ASTN2: variants seen among roughly 807,000 people sequenced by gnomAD.
ASTN2 encodes the protein astrotactin 2.
ASTN2 carries 54 observed loss-of-function variants against 139.8 expected under a neutral mutation model. That is an observed-to-expected ratio of 0.39 (90% CI 0.31 to 0.48). ASTN2 has a LOEUF of 0.48. Ranked by LOEUF, ASTN2 falls within the 20% of genes least tolerant of loss-of-function variation. ASTN2 has a pLI of 0.95. For missense variants in ASTN2, 1,565 were observed against 1,725.1 expected (o/e 0.91, Z 1.64); for synonymous variants, 756 against 719.5 (o/e 1.05, Z -0.81).
chr9:116,770,023 T>A (rs1348472719), intron 13 of ASTN2, among the ~76,000 whole-genome samples: 1 of 150,674 alleles, frequency 6.6e-6, no homozygotes, highest in Non-Finnish European at 1.5e-5. Flanking sequence ...AGACCTTGTC[T>A]AAATTAATTA....
chr9:116,815,386 G>A (rs1353891839), intron 12 of ASTN2, among the ~76,000 whole-genome samples: 1 of 152,098 alleles, frequency 6.6e-6, no homozygotes, highest in Non-Finnish European at 1.5e-5. Context: ...ATTTAAATTG[G>A]AAGCAAGAAG....
chr9:116,733,848 A>G (rs998493252), intron 13 of ASTN2, among the ~76,000 whole-genome samples: 1 of 152,176 alleles, frequency 6.6e-6, no homozygotes, highest in Non-Finnish European at 1.5e-5. Flanking sequence ...CTTAATGGGA[A>G]AAACCTACCA....
intron 3 of ASTN2, among the ~76,000 whole-genome samples, chr9:117,200,629 T>C (rs1369330401): frequency 6.6e-6 from 1 of 152,188 alleles, no homozygotes; most frequent in Admixed American, 6.5e-5. Flanking sequence ...TCATGTGGTT[T>C]TTGTCTTTAG....
In ASTN2 at chr9:116,999,548, C is replaced by CTTTTTTT. The variant is rs71379248; in HGVS notation, c.1591+8537_1591+8543dup. ...TTCCTCTTTCTTTCTTTCTCTCTTT[C>CTTTTTTT]TTTTTTTTTTTTTTTTTTTTTTTTT... On this transcript the variant is annotated intron_variant, in intron 7 of 22. Coordinates refer to ENST00000313400, the MANE Select transcript of ASTN2 (RefSeq NM_001365068.1). Among the ~76,000 whole-genome samples, 142 of 94,946 alleles carry CTTTTTTT rather than the reference C, an allele frequency of 1.5e-3. 4 individuals carry two copies. The highest frequency in any genetic ancestry group is 6.3e-3 in the Middle Eastern group (1 of 158). 62.3% of individuals were successfully genotyped at this position (94,946 alleles called of 152,430 possible). A position where few individuals can be genotyped will look rare whatever the true frequency, so the allele number is the denominator to read the frequency against.
intron 5 of ASTN2, among the ~76,000 whole-genome samples, chr9:117,068,067 G>A (rs369228733): frequency 2.2e-5 from 1 of 44,858 alleles, no homozygotes; most frequent in African/African-American, 9.2e-5. Flanking sequence ...GGTGAGAGAG[G>A]GCATCCCTGT....
At chr9:116,576,508 G>C (rs1034945139) in intron 19 of ASTN2, among the ~76,000 whole-genome samples, 2 of 152,158 alleles carry the variant, frequency 1.3e-5, no homozygotes, top group African/African-American at 4.8e-5. Flanking sequence ...TGGGAGGCCA[G>C]GGTAGGAGGG....
intron 13 of ASTN2, among the ~76,000 whole-genome samples, chr9:116,748,625 A>G (rs1278282906): frequency 1.3e-5 from 2 of 152,106 alleles, no homozygotes; most frequent in East Asian, 1.9e-4. Context: ...TTGGTATCTC[A>G]TGGGTCTAGA....
chr9:116,607,758 G>A (rs1173810734), intron 19 of ASTN2, among the ~76,000 whole-genome samples: 10 of 150,698 alleles, frequency 6.6e-5, no homozygotes, highest in Non-Finnish European at 1.0e-4. Context: ...TCAGGAGATC[G>A]AGACCATCCT....
chr9:117,075,225 C>T (rs1828247389), intron 5 of ASTN2, among the ~76,000 whole-genome samples: 1 of 152,144 alleles, frequency 6.6e-6, no homozygotes, highest in Admixed American at 6.5e-5. Flanking sequence ...CCCAAATCTC[C>T]CAAAGGAGTC....
chr9:116,723,021 C>T (rs970826934), intron 16 of ASTN2, among the ~76,000 whole-genome samples: 3 of 151,998 alleles, frequency 2.0e-5, no homozygotes, highest in Admixed American at 6.6e-5. Context: ...AAAAATTAGC[C>T]GGGCATGGTG....
intron 13 of ASTN2, among the ~76,000 whole-genome samples, chr9:116,790,789 C>T (rs1173584691): frequency 6.6e-6 from 1 of 151,416 alleles, no homozygotes; most frequent in Non-Finnish European, 1.5e-5. Flanking sequence ...ATTCTCCTGC[C>T]TCAGCCTCCC....
chr9:116,814,417 A>T (rs1453746338), intron 12 of ASTN2, among the ~76,000 whole-genome samples: 1 of 152,158 alleles, frequency 6.6e-6, no homozygotes, highest in African/African-American at 2.4e-5. Flanking sequence ...TTCTAGAAAA[A>T]GAAAAGAAAG....
At chr9:117,357,342 G>T (rs1048965549) in intron 1 of ASTN2, among the ~76,000 whole-genome samples, 1 of 151,840 alleles carries the variant, frequency 6.6e-6, no homozygotes, top group Non-Finnish European at 1.5e-5. Context: ...AAAGGTAAAG[G>T]TGCCTAGGCT....
intron 1 of ASTN2, among the ~76,000 whole-genome samples, chr9:117,408,838 G>A (rs895565485): frequency 1.3e-5 from 2 of 152,186 alleles, no homozygotes; most frequent in Non-Finnish European, 2.9e-5. Flanking sequence ...CTTTCTGAAG[G>A]AAGACAACGT....
intron 1 of ASTN2, among the ~76,000 whole-genome samples, chr9:117,407,629 C>T (rs774448636): frequency 6.6e-6 from 1 of 152,192 alleles, no homozygotes; most frequent in Non-Finnish European, 1.5e-5. Flanking sequence ...GTGTAGTCAT[C>T]ACCCACTCCT....
chr9:116,558,875 A>G (rs1852765139), intron 19 of ASTN2, among the ~76,000 whole-genome samples: 3 of 152,222 alleles, frequency 2.0e-5, no homozygotes, highest in African/African-American at 7.2e-5. Flanking sequence ...GAAATAAATT[A>G]TCTAAATGGC....
chr9:116,817,643 A>G (rs1831367727), intron 12 of ASTN2, among the ~76,000 whole-genome samples: 1 of 152,236 alleles, frequency 6.6e-6, no homozygotes, highest in Non-Finnish European at 1.5e-5. Flanking sequence ...ACAACTATTA[A>G]TTGAAAACCT....
chr9:116,552,801 C>A (rs1266902451), intron 19 of ASTN2, among the ~76,000 whole-genome samples: 1 of 152,194 alleles, frequency 6.6e-6, no homozygotes, highest in Non-Finnish European at 1.5e-5. Flanking sequence ...AGGTTTGGGG[C>A]CAGACACTCT....
intron 10 of ASTN2, among the ~76,000 whole-genome samples, chr9:116,908,820 G>T (rs1159454105): frequency 1.3e-5 from 2 of 152,194 alleles, no homozygotes; most frequent in Non-Finnish European, 2.9e-5. Context: ...GTACATTATA[G>T]ATTATGACAT....
Sources: allele counts gnomAD v4.1 joint callset (sites outside exome capture counted in the v4.1 genomes callset), GRCh38; gene constraint gnomAD v4.1.1; transcripts MANE v1.5; gene names NCBI Gene and HGNC (gene_info 2026-07-23, HGNC 2026-07-21).